The following PPDPFL variants were observed in gnomAD, a reference collection of about 807,000 sequenced individuals.
PPDPFL encodes the protein pancreatic progenitor cell differentiation and proliferation factor-like protein.
In PPDPFL, 12 loss-of-function variants were observed where a neutral mutation model predicts 12.6. The observed-to-expected ratio is 0.95, with a 90% CI of 0.61 to 1.54. The LOEUF (loss-of-function observed/expected upper bound fraction) is 1.54. Ranked by LOEUF, PPDPFL falls within the 40% of genes most tolerant of loss-of-function variation. PPDPFL has a pLI of 0.00. For synonymous variants in PPDPFL, 24 were observed against 32.7 expected (o/e 0.73, Z 0.91); for missense variants, 114 against 96.0 (o/e 1.19, Z -0.78).
intron 4 of PPDPFL, chr8:49,074,557 G>A: frequency 6.5e-7 from 1 of 1,536,474 alleles, no homozygotes; most frequent in South Asian, 1.2e-5. Context: ...AATCACTCAA[G>A]AGTGGTGGAG....
chr8:49,056,615 A>C (rs1163373810), intron 1 of PPDPFL, among the ~76,000 whole-genome samples: 2 of 152,206 alleles, frequency 1.3e-5, no homozygotes, highest in Admixed American at 1.3e-4. Flanking sequence ...AGTTACTACT[A>C]TCTGTGCAGT....
At chr8:49,074,590 A>AT in intron 4 of PPDPFL, 1 of 1,536,128 alleles carries the variant, frequency 6.5e-7, no homozygotes, top group Non-Finnish European at 8.7e-7. Flanking sequence ...AAACTGTGTC[A>AT]TTGTTTGGCG....
At chr8:49,063,641 C>T (rs1808248188) in intron 1 of PPDPFL, among the ~76,000 whole-genome samples, 1 of 151,930 alleles carries the variant, frequency 6.6e-6, no homozygotes, top group Admixed American at 6.6e-5. Context: ...TCACTTGAGC[C>T]CAGGAGGTGG....
intron 1 of PPDPFL, among the ~76,000 whole-genome samples, chr8:49,059,167 A>G (rs1054224143): frequency 2.0e-5 from 3 of 152,152 alleles, no homozygotes; most frequent in Admixed American, 1.3e-4. Context: ...CCTGCTCTGT[A>G]ATGTTAAATG....
intron 1 of PPDPFL, among the ~76,000 whole-genome samples, chr8:49,062,464 G>A (rs1808225697): frequency 6.6e-6 from 1 of 152,160 alleles, no homozygotes; most frequent in African/African-American, 2.4e-5. Flanking sequence ...AGCTGGTTGT[G>A]TTTCACAGGG....
chr8:49,056,912 G>C (rs1420308010), intron 1 of PPDPFL, among the ~76,000 whole-genome samples: 1 of 152,066 alleles, frequency 6.6e-6, no homozygotes, highest in African/African-American at 2.4e-5. Flanking sequence ...CTGTTACTTT[G>C]AACCATACCT....
At chr8:49,057,918 A>G (rs1230136692) in intron 1 of PPDPFL, among the ~76,000 whole-genome samples, 1 of 152,234 alleles carries the variant, frequency 6.6e-6, no homozygotes, top group African/African-American at 2.4e-5. Context: ...TGCATAAAAT[A>G]ATTTAAAGCT....
chr8:49,071,960 G>T (rs1808399008), upstream of PPDPFL, among the ~76,000 whole-genome samples: 1 of 152,194 alleles, frequency 6.6e-6, no homozygotes, highest in African/African-American at 2.4e-5. Flanking sequence ...GGGCAGGTAT[G>T]TTCAGTCTCC....
chr8:49,072,939 T>C (rs1021860069), intron 2 of PPDPFL, 54 bp downstream of exon 2: 21 of 1,419,322 alleles, frequency 1.5e-5, no homozygotes, highest in East Asian at 1.4e-4. Flanking sequence ...GAGGTGATGT[T>C]TGTGGGATAT....
chr8:49,060,151 G>A (rs1418778636), intron 1 of PPDPFL, among the ~76,000 whole-genome samples: 2 of 152,104 alleles, frequency 1.3e-5, no homozygotes, highest in Non-Finnish European at 2.9e-5. Flanking sequence ...TTTTGTATGT[G>A]TAGGTCTCAG....
rs1174824474 is a variant in PPDPFL at position 49,075,668 on chromosome 8, G to GT, written c.*498dup. On this transcript the variant is annotated 3_prime_UTR_variant, in exon 5 of 5. Coordinates refer to ENST00000522267, the MANE Select transcript of PPDPFL (RefSeq NM_001256597.2). ...TGACTTGTCAATGTTTCACATAATG[G>GT]TTTAAAGGGCATTGAATTCGAAATT... 2.1e-5 allele frequency: 4 copies of GT among 186,862 alleles called. No individual in the cohort carries two copies. Among genetic ancestry groups the GT allele is most frequent in the African/African-American group, 9.5e-5 (4 of 42,158 alleles). 11.6% of individuals were successfully genotyped at this position (186,862 alleles called of 1,614,324 possible).
chr8:49,074,698 T>C (rs1430781362), intron 4 of PPDPFL: 1 of 1,477,902 alleles, frequency 6.8e-7, no homozygotes. Flanking sequence ...TTAAATAACC[T>C]TAGGATAACA....
intron 1 of PPDPFL, among the ~76,000 whole-genome samples, chr8:49,064,020 T>C (rs1255632462): frequency 1.3e-5 from 2 of 152,162 alleles, no homozygotes; most frequent in African/African-American, 4.8e-5. Flanking sequence ...CATGCAGGCA[T>C]AGAGCACTTG....
At chr8:49,066,228 T>C (rs1210176180) in intron 1 of PPDPFL, among the ~76,000 whole-genome samples, 2 of 152,196 alleles carry the variant, frequency 1.3e-5, no homozygotes, top group Non-Finnish European at 2.9e-5. Flanking sequence ...AGAGAGTAGA[T>C]ACTGAAAGAC....
intron 1 of PPDPFL, among the ~76,000 whole-genome samples, chr8:49,057,889 T>A (rs1227320973): frequency 6.6e-6 from 1 of 152,184 alleles, no homozygotes; most frequent in Non-Finnish European, 1.5e-5. Context: ...TTGGGTTAAA[T>A]TGGTAACAAG....
chr8:49,065,820 G>C (rs1245994050), intron 1 of PPDPFL, among the ~76,000 whole-genome samples: 1 of 152,210 alleles, frequency 6.6e-6, no homozygotes, highest in Non-Finnish European at 1.5e-5. Flanking sequence ...GGCATCTGAA[G>C]ACCTATTTTG....
chr8:49,075,437 A>C lies in PPDPFL; in HGVS notation c.*264A>C. On this transcript the variant is annotated 3_prime_UTR_variant, in exon 5 of 5. Transcript: ENST00000522267. ...TTTAGGCATTTTTCTCAACACAAAGACTATCGCTGGAAGTGGCACTTGCTA... is the reference window on the plus strand; with the variant it reads ...TTTAGGCATTTTTCTCAACACAAAGCCTATCGCTGGAAGTGGCACTTGCTA... The C allele has an allele frequency of 1.5e-6, 1 of 665,046 alleles. No homozygotes were observed. Among genetic ancestry groups the C allele is most frequent in the Admixed American group, 2.5e-5 (1 of 39,942 alleles). The allele number at this position is 665,046 out of a possible 1,614,324, so 41.2% of individuals were successfully genotyped here.
At chr8:49,070,055 T>C (rs1808354375), upstream of PPDPFL, among the ~76,000 whole-genome samples, 1 of 152,254 alleles carries the variant, frequency 6.6e-6, no homozygotes, top group Non-Finnish European at 1.5e-5. Flanking sequence ...TGGAATATTA[T>C]GCAGCCCTAA....
chr8:49,066,801 G>A (rs1808307894), intron 1 of PPDPFL, among the ~76,000 whole-genome samples: 1 of 152,162 alleles, frequency 6.6e-6, no homozygotes, highest in Non-Finnish European at 1.5e-5. Flanking sequence ...AGATCCAGCA[G>A]CCTGGCCCTT....
Sources: allele counts gnomAD v4.1 joint callset (sites outside exome capture counted in the v4.1 genomes callset), GRCh38; gene constraint gnomAD v4.1.1; transcripts MANE v1.5; gene names NCBI Gene and HGNC (gene_info 2026-07-23, HGNC 2026-07-21).